TMEM41B: variants seen among roughly 807,000 people sequenced by gnomAD.
The protein encoded by TMEM41B is transmembrane protein 41B.
Under a neutral mutation model 31.9 loss-of-function variants are expected in TMEM41B, and 18 were observed. The ratio of observed to expected loss-of-function variants is 0.56; its 90% CI spans 0.39 to 0.84. The LOEUF (loss-of-function observed/expected upper bound fraction) is 0.84, where lower values mean the gene tolerates loss of function less well. TMEM41B is among the 40% of genes least tolerant of loss of function. TMEM41B has a pLI of 0.00. For missense variants in TMEM41B, 322 were observed against 348.0 expected, an observed-to-expected ratio of 0.93 and a Z score of 0.59; for synonymous variants, 144 against 124.3, an observed-to-expected ratio of 1.16 and a Z score of -1.05.
At chr11:9,284,727 C>T (rs1214239236) in intron 6 of TMEM41B, among the ~76,000 whole-genome samples, 2 of 151,262 alleles carry the variant, frequency 1.3e-5, no homozygotes, top group Non-Finnish European at 2.9e-5. Flanking sequence ...CACGCCACTG[C>T]ACTCCAGCCT....
At chr11:9,311,422 G>A (rs1248067873) in intron 1 of TMEM41B, 1 of 1,391,488 alleles carries the variant, frequency 7.2e-7, no homozygotes, top group African/African-American at 1.4e-5. Context: ...GGACTCACAG[G>A]AGGCATTCCA....
intron 3 of TMEM41B, among the ~76,000 whole-genome samples, chr11:9,290,709 T>C (rs1292885179): frequency 6.6e-6 from 1 of 152,180 alleles, no homozygotes; most frequent in Non-Finnish European, 1.5e-5. Flanking sequence ...ACTGTATTTT[T>C]TCCTTTCCCA....
chr11:9,298,622 C>A (rs1229187960), intron 2 of TMEM41B, among the ~76,000 whole-genome samples: 8 of 151,840 alleles, frequency 5.3e-5, no homozygotes, highest in African/African-American at 1.9e-4. Flanking sequence ...AAAAATTAGC[C>A]AGCCGTGGTG....
At chr11:9,296,810 A>T (rs1004944642) in intron 2 of TMEM41B, among the ~76,000 whole-genome samples, 13 of 152,182 alleles carry the variant, frequency 8.5e-5, no homozygotes, top group Non-Finnish European at 1.9e-4. Context: ...CAAGTTTTCC[A>T]GTACTTTTAC....
At position 9,294,954 on chromosome 11, in the gene TMEM41B, A is replaced by T. The variant is rs181062899; in HGVS notation, c.368+305T>A. 1.3e-3 allele frequency: 242 copies of T among 189,370 alleles called. 1 individual carries two copies. The Middle Eastern group carries it at 0.013, about 10-fold the overall frequency. The allele number at this position is 189,370 out of a possible 1,614,324, so 11.7% of individuals were successfully genotyped here. On this transcript the variant is annotated intron_variant, in intron 3 of 6. Coordinates refer to ENST00000528080, the MANE Select transcript of TMEM41B (RefSeq NM_015012.4). The stretch of plus-strand genomic sequence containing the variant: ...ATAAACTAGTATCATCAGTTAATGA[A>T]TACAATTATAAATCAAACCCATAAA...
At chr11:9,292,935 T>C (rs11601383) in intron 3 of TMEM41B, among the ~76,000 whole-genome samples, 8,976 of 152,234 alleles carry the variant, frequency 0.059, 360 homozygotes, top group South Asian at 0.1. Context: ...ATTTTCATGA[T>C]AGCCATCCTA....
At position 9,286,408 on chromosome 11, in the gene TMEM41B, G is replaced by A. The variant is rs74752646; in HGVS notation, c.706+47C>T. ...AATCTAGCCCAGCTGGACACTGTTA[G>A]ATATGTACACAGTGAGCTCATACAC... On this transcript the variant is annotated intron_variant, in intron 6 of 6. Transcript: ENST00000528080. 162 of 1,563,442 alleles carry A rather than the reference G, an allele frequency of 1.0e-4. No individual in the cohort carries two copies. The East Asian group carries it at 3.6e-3, about 35-fold the overall frequency.
chr11:9,310,269 C>G (rs1213229113), intron 1 of TMEM41B, among the ~76,000 whole-genome samples: 1 of 151,886 alleles, frequency 6.6e-6, no homozygotes, highest in East Asian at 1.9e-4. Context: ...CTCCTGACCT[C>G]ATGTTCCGCC....
intron 3 of TMEM41B, among the ~76,000 whole-genome samples, chr11:9,293,638 G>C (rs1333050001): frequency 6.6e-6 from 1 of 152,084 alleles, no homozygotes; most frequent in African/African-American, 2.4e-5. Context: ...CTGGAGTGCA[G>C]TGGCACGATC....
chr11:9,292,630 A>G (rs1852984294), intron 3 of TMEM41B, among the ~76,000 whole-genome samples: 1 of 152,008 alleles, frequency 6.6e-6, no homozygotes, highest in African/African-American at 2.4e-5. Flanking sequence ...TTCCAGTTCG[A>G]GACCAGCCTG....
At chr11:9,306,649 G>A (rs1853404975) in intron 1 of TMEM41B, among the ~76,000 whole-genome samples, 1 of 151,962 alleles carries the variant, frequency 6.6e-6, no homozygotes, top group Admixed American at 6.6e-5. Context: ...TGGCGCCACC[G>A]CACTCTAGCC....
intron 2 of TMEM41B, among the ~76,000 whole-genome samples, chr11:9,298,629 G>T (rs998053428): frequency 2.6e-5 from 4 of 151,884 alleles, no homozygotes; most frequent in Non-Finnish European, 5.9e-5. Context: ...AGCCAGCCGT[G>T]GTGGCACACA....
rs201349006 is a variant in TMEM41B at position 9,302,288 on chromosome 11, G to A, written c.122-2587C>T. ...CTCCCAAAGTGCTGGGATTACAGGC[G>A]TGAGCCATAGCGCCCGGCATTATTT... On this transcript the variant is annotated intron_variant, in intron 1 of 6. Transcript: ENST00000528080. 1.3e-4 allele frequency among the ~76,000 whole-genome samples: 13 copies of A among 100,256 alleles called. 5 individuals carry two copies. In the East Asian group the frequency reaches 2.6e-3, roughly 20 times the overall value. 65.8% of individuals were successfully genotyped at this position (100,256 alleles called of 152,430 possible).
rs61745545 is a variant in TMEM41B, at chr11:9,288,478, A to C, written c.426T>G (p.Leu142=). 2,291 of 1,597,068 alleles carry C rather than the reference A, an allele frequency of 1.4e-3. 39 individuals are homozygous for C. In the African/African-American group the frequency reaches 0.028, roughly 20 times the overall value. The change falls in exon 4 of 7, where the codon CTT becomes CTG. Residue 142 remains leucine (L), a synonymous_variant. Coordinates refer to ENST00000528080, the MANE Select transcript of TMEM41B (RefSeq NM_015012.4). Reference sequence around the variant, plus strand: ...GAAATAAGGCTAGTGGAAAGGGATAAAGAAACCCTGAGAGTATACTGAGAA... The same window carrying C: ...GAAATAAGGCTAGTGGAAAGGGATACAGAAACCCTGAGAGTATACTGAGAA... ...SIFLSILSGF[L]YPFPLALFLV...
At chr11:9,298,960 T>C (rs376225841) in intron 2 of TMEM41B, among the ~76,000 whole-genome samples, 8 of 152,024 alleles carry the variant, frequency 5.3e-5, no homozygotes, top group African/African-American at 1.4e-4. Context: ...TAGGGTTTAA[T>C]AGCTCTGGGA....
intron 3 of TMEM41B, among the ~76,000 whole-genome samples, chr11:9,294,400 C>A (rs1853036053): frequency 6.6e-6 from 1 of 151,118 alleles, no homozygotes; most frequent in Non-Finnish European, 1.5e-5. Context: ...GAGGCTGAGA[C>A]TGGAGAATCG....
intron 1 of TMEM41B, among the ~76,000 whole-genome samples, chr11:9,305,996 T>TTTTTTTTA (rs1853382598): frequency 6.7e-6 from 1 of 149,714 alleles, no homozygotes; most frequent in African/African-American, 2.5e-5. Context: ...TTTTTTTTTT[T>TTTTTTTTA]GAGACAGAGT....
intron 2 of TMEM41B, among the ~76,000 whole-genome samples, chr11:9,298,110 G>C (rs1027980939): frequency 6.9e-6 from 1 of 145,672 alleles, no homozygotes; most frequent in East Asian, 2.0e-4. Context: ...TCTTTCTCAA[G>C]TCCAGTAAGA....
chr11:9,294,898 A>G (rs1853047591), intron 3 of TMEM41B, among the ~76,000 whole-genome samples: 1 of 152,090 alleles, frequency 6.6e-6, no homozygotes, highest in Non-Finnish European at 1.5e-5. Flanking sequence ...TTATAAAAAT[A>G]CTATGGTGAC....
Sources: gnomAD v4.1 joint callset for allele counts (sites outside exome capture counted in the v4.1 genomes callset) on GRCh38, gnomAD v4.1.1 for gene constraint, MANE v1.5 for transcripts, NCBI Gene and HGNC (gene_info 2026-07-23, HGNC 2026-07-21) for gene names.